CMTR1: variants seen among roughly 807,000 people sequenced by gnomAD.
The protein encoded by CMTR1 is cap methyltransferase 1.
Under a neutral mutation model 107.0 loss-of-function variants are expected in CMTR1, and 39 were observed. That is an observed-to-expected ratio of 0.36 (90% CI 0.28 to 0.48). The LOEUF (loss-of-function observed/expected upper bound fraction) is 0.48, where lower values mean the gene tolerates loss of function less well. CMTR1 is among the 20% of genes least tolerant of loss of function. The pLI is 0.99. For synonymous variants in CMTR1, 366 were observed against 379.5 expected (o/e 0.96, Z 0.41); for missense variants, 672 against 1,064.9 (o/e 0.63, Z 5.14).
chr6:37,453,714 A>C (rs1168647134), intron 8 of CMTR1, among the ~76,000 whole-genome samples: 2 of 152,186 alleles, frequency 1.3e-5, no homozygotes, highest in Non-Finnish European at 2.9e-5. Flanking sequence ...ATTTAAAATC[A>C]GTGTTGTATC....
At position 37,477,648 on chromosome 6, in the gene CMTR1, CT is replaced by C. The variant is rs770447514; in HGVS notation, c.2153+11del. 61 of 1,607,796 alleles carry C rather than the reference CT, an allele frequency of 3.8e-5. No homozygotes were observed. The highest frequency in any genetic ancestry group is 4.8e-5 in the Non-Finnish European group (56 of 1,177,092). On this transcript the variant is annotated intron_variant, in intron 21 of 23. Coordinates refer to ENST00000373451, the MANE Select transcript of CMTR1 (RefSeq NM_015050.3). ...GAGAAGATTTTTGTCAGGTGAGTGA[CT>C]TGACCGGTGAAGCTCAGATTCAAGA...
At chr6:37,456,381 A>G (rs1416953693) in intron 8 of CMTR1, among the ~76,000 whole-genome samples, 1 of 152,256 alleles carries the variant, frequency 6.6e-6, no homozygotes, top group African/African-American at 2.4e-5. Flanking sequence ...AAGTGGGGAA[A>G]GAACGATTAA....
upstream of CMTR1, among the ~76,000 whole-genome samples, chr6:37,432,243 C>G (rs531253179): frequency 6.6e-6 from 1 of 152,324 alleles, no homozygotes; most frequent in East Asian, 1.9e-4. Context: ...AGGACATTAG[C>G]TTTATTCTAA....
At chr6:37,430,873 G>C (rs1771352971), upstream of CMTR1, among the ~76,000 whole-genome samples, 1 of 151,982 alleles carries the variant, frequency 6.6e-6, no homozygotes, top group Admixed American at 6.6e-5. Context: ...AATTAGCCGG[G>C]CGTGGTGGCG....
Position 37,473,492 on chromosome 6 carries a change from G to C in CMTR1, c.1712G>C (p.Ser571Thr). The C allele has an allele frequency of 2.5e-6, 4 of 1,613,820 alleles. No individual in the cohort carries two copies. Among genetic ancestry groups the C allele is most frequent in the Non-Finnish European group, 3.4e-6 (4 of 1,179,870 alleles). Reference protein sequence around the residue: ...LIQGTEIDIFSYKPTLLTSKT... With the variant: ...LIQGTEIDIFTYKPTLLTSKT... ...CAGGGCACTGAGATTGACATCTTCA[G>C]CTACAAGCCCACACTGCTCACCTCT... Residue 571 changes from serine to threonine, a missense_variant, in exon 17 of 24, where the codon AGC becomes ACC. Around this residue, in one of 2 missense-constraint regions of CMTR1, gnomAD observed 583 missense variants for 968.4 expected, o/e 0.60. Transcript: ENST00000373451.
intron 2 of CMTR1, among the ~76,000 whole-genome samples, chr6:37,439,501 T>C (rs1771618530): frequency 6.6e-6 from 1 of 152,216 alleles, no homozygotes; most frequent in Admixed American, 6.5e-5. Flanking sequence ...GGTTTAATTC[T>C]TTCCTAAATA....
chr6:37,443,400 A>G (rs1326107510), intron 2 of CMTR1, among the ~76,000 whole-genome samples: 1 of 151,206 alleles, frequency 6.6e-6, no homozygotes, highest in Non-Finnish European at 1.5e-5. Flanking sequence ...TTTTGCCCAG[A>G]CTGGCATGCA....
chr6:37,460,842 A>T (rs1316230699), intron 10 of CMTR1, among the ~76,000 whole-genome samples: 1 of 152,214 alleles, frequency 6.6e-6, no homozygotes, highest in Non-Finnish European at 1.5e-5. Flanking sequence ...CCCATTTAAC[A>T]ACACTGTGCC....
At position 37,459,602 on chromosome 6, in the gene CMTR1, G is replaced by A. The variant is rs199815717; in HGVS notation, c.1013G>A (p.Arg338His). ...ATTGATGGAGATGGAGATATCACCC[G>A]CCCAGAGAACATCTCTGCTTTTCGG... The part of the protein sequence containing the change: ...GGIDGDGDIT[R>H]PENISAFRNF... The change falls in exon 10 of 24, where the codon CGC (arginine) becomes CAC (histidine). Residue 338 changes from arginine to histidine, a missense_variant. Arg to His is a conservative substitution (Grantham distance 29, BLOSUM62 0). Coordinates refer to ENST00000373451, the MANE Select transcript of CMTR1 (RefSeq NM_015050.3). The A allele has an allele frequency of 1.4e-4, 229 of 1,614,102 alleles. 1 individual carries two copies. In the East Asian group the frequency reaches 3.1e-3, roughly 22 times the overall value.
chr6:37,464,892 CTGTGTGTGTGTG>C lies in CMTR1; in HGVS notation c.1505+1910_1505+1921del, dbSNP rs61375488. On this transcript the variant is annotated intron_variant, in intron 13 of 23. Coordinates refer to ENST00000373451, the MANE Select transcript of CMTR1 (RefSeq NM_015050.3). ...AAATACCACATAGTTTTCTAAAACG[CTGTGTGTGTGTG>C]TGTGTGTGTGTGTGTGTGTGTGTGT... Among the ~76,000 whole-genome samples the C allele has an allele frequency of 8.2e-4, 121 of 148,352 alleles. 1 individual carries two copies. Among genetic ancestry groups the C allele is most frequent in the African/African-American group, 2.7e-3 (109 of 39,806 alleles).
chr6:37,472,596 C>A lies in CMTR1; in HGVS notation c.1689+109C>A. ...GGTCTCCAGAGGGCTTGTGCAGATG[C>A]CCACCATGGGCTCTAAGGGGCGGAG... On this transcript the variant is annotated intron_variant, in intron 16 of 23. Coordinates refer to ENST00000373451, the MANE Select transcript of CMTR1 (RefSeq NM_015050.3). This position sits in a 1 kb window ranked among gnomAD's most constrained non-coding sequence, Gnocchi z 4.1. The A allele has an allele frequency of 9.0e-7, 1 of 1,111,274 alleles. No individual in the cohort carries two copies. The highest frequency in any genetic ancestry group is 1.4e-6 in the Non-Finnish European group (1 of 731,266). 68.8% of individuals were successfully genotyped at this position (1,111,274 alleles called of 1,614,324 possible). A position where few individuals can be genotyped will look rare whatever the true frequency, so the allele number is the denominator to read the frequency against.
At chr6:37,471,308 AG>A (rs1420187928) in intron 14 of CMTR1, among the ~76,000 whole-genome samples, 1 of 152,204 alleles carries the variant, frequency 6.6e-6, no homozygotes, top group Non-Finnish European at 1.5e-5. Context: ...AAAAGGATAC[AG>A]GAAAGGTTAT....
At chr6:37,475,709 G>A (rs1241301452) in intron 19 of CMTR1, 5 of 521,024 alleles carry the variant, frequency 9.6e-6, no homozygotes, top group Admixed American at 3.3e-5. Context: ...GACCTTGCGG[G>A]TAGAGGGGGT....
Position 37,472,358 on chromosome 6 carries a change from C to T in CMTR1, c.1621-61C>T. The T allele has an allele frequency of 6.8e-7, 1 of 1,478,632 alleles. No individual in the cohort carries two copies. Among genetic ancestry groups the T allele is most frequent in the Non-Finnish European group, 9.5e-7 (1 of 1,056,906 alleles). 91.6% of individuals were successfully genotyped at this position (1,478,632 alleles called of 1,614,324 possible). ...CCTATCTCCTCCACCTGCATATACT[C>T]ATACACGGTCTTGGTCAAAAGGGCA... On this transcript the variant is annotated intron_variant, in intron 15 of 23. Transcript: ENST00000373451. The surrounding 1 kb of genome is among the most constrained non-coding windows in gnomAD (Gnocchi z 4.1).
At chr6:37,438,151 G>A (rs1181729374) in intron 2 of CMTR1, among the ~76,000 whole-genome samples, 1 of 152,136 alleles carries the variant, frequency 6.6e-6, no homozygotes, top group African/African-American at 2.4e-5. Flanking sequence ...AGGTCAAGGT[G>A]GGCGGATTGC....
intron 2 of CMTR1, among the ~76,000 whole-genome samples, chr6:37,438,807 G>A (rs765418668): frequency 6.6e-6 from 1 of 152,078 alleles, no homozygotes. Context: ...ATTCTCTTAG[G>A]TGTCCCCCGG....
chr6:37,473,788 A>C (rs1189368269), intron 17 of CMTR1, among the ~76,000 whole-genome samples, 187 bp downstream of exon 17: 1 of 152,196 alleles, frequency 6.6e-6, no homozygotes, highest in African/African-American at 2.4e-5. Flanking sequence ...AGTGTCATTC[A>C]TTCATTCTTT....
chr6:37,473,750 C>T (rs1020225089), intron 17 of CMTR1, 149 bp downstream of exon 17: 26 of 936,422 alleles, frequency 2.8e-5, no homozygotes, highest in Admixed American at 9.2e-5. Flanking sequence ...CTTGAAACTT[C>T]GTTTCCTTTC....
intron 22 of CMTR1, 79 bp downstream of exon 22, chr6:37,478,600 G>C (rs1761790124): frequency 2.6e-6 from 3 of 1,169,098 alleles, no homozygotes; most frequent in Non-Finnish European, 2.5e-6. Flanking sequence ...GACCCTACCT[G>C]AGCCAGAGCG....
Sources: gnomAD v4.1 joint callset for allele counts (sites outside exome capture counted in the v4.1 genomes callset) on GRCh38, gnomAD v4.1.1 for gene constraint, gnomAD v4.1.1 regional missense constraint, Gnocchi (gnomAD v3.1) non-coding constraint, MANE v1.5 for transcripts, NCBI Gene and HGNC (gene_info 2026-07-23, HGNC 2026-07-21) for gene names.